Variants in UGT8 observed in about 807,000 individuals in gnomAD.
UGT8 encodes 2-hydroxyacylsphingosine 1-beta-galactosyltransferase.
Under a neutral mutation model 40.5 loss-of-function variants are expected in UGT8, and 12 were observed. The ratio of observed to expected loss-of-function variants is 0.30; its 90% CI spans 0.19 to 0.48. The LOEUF (loss-of-function observed/expected upper bound fraction) is 0.48. UGT8 is among the 20% of genes least tolerant of loss of function. UGT8 has a pLI of 0.99. For synonymous variants in UGT8, 224 were observed against 240.4 expected, an observed-to-expected ratio of 0.93 and a Z score of 0.63; for missense variants, 513 against 648.7, an observed-to-expected ratio of 0.79 and a Z score of 2.27.
chr4:114,623,741 G>A, intron 2 of UGT8, 39 bp downstream of exon 2: 2 of 1,542,126 alleles, frequency 1.3e-6, no homozygotes, highest in Non-Finnish European at 1.7e-6. Context: ...CTTTTTTAAT[G>A]TAAAAGTCAA....
At chr4:114,607,451 A>T (rs1204768767) in intron 1 of UGT8, among the ~76,000 whole-genome samples, 1 of 152,048 alleles carries the variant, frequency 6.6e-6, no homozygotes, top group Non-Finnish European at 1.5e-5. Context: ...GTAACTCCCC[A>T]TCTGATCTTT....
At chr4:114,652,167 A>G (rs954049519) in intron 2 of UGT8, among the ~76,000 whole-genome samples, 3 of 152,112 alleles carry the variant, frequency 2.0e-5, no homozygotes, top group African/African-American at 7.2e-5. Flanking sequence ...GATCTGTTGA[A>G]GTTAGCATTT....
At chr4:114,636,572 A>T (rs936272969) in intron 2 of UGT8, among the ~76,000 whole-genome samples, 2 of 152,200 alleles carry the variant, frequency 1.3e-5, no homozygotes, top group East Asian at 3.8e-4. Flanking sequence ...TAATTTCTTG[A>T]TATTATCCTT....
intron 2 of UGT8, among the ~76,000 whole-genome samples, chr4:114,646,534 A>G (rs1383825588): frequency 6.6e-6 from 1 of 152,194 alleles, no homozygotes; most frequent in Non-Finnish European, 1.5e-5. Flanking sequence ...TTCCAAAAGT[A>G]GCATTTCACT....
intron 1 of UGT8, among the ~76,000 whole-genome samples, chr4:114,617,516 T>G (rs184491426): frequency 6.6e-6 from 1 of 152,152 alleles, no homozygotes; most frequent in Admixed American, 6.5e-5. Flanking sequence ...TTGTGTAGAG[T>G]CTTCAAATAT....
chr4:114,663,599 A>G, intron 2 of UGT8: 1 of 722,494 alleles, frequency 1.4e-6, no homozygotes, highest in Non-Finnish European at 1.7e-6. Context: ...TAAATGATAC[A>G]TTAACAAATT....
At chr4:114,665,459 A>G (rs1472666925) in intron 3 of UGT8, 2 of 985,124 alleles carry the variant, frequency 2.0e-6, no homozygotes, top group Non-Finnish European at 2.4e-6. Flanking sequence ...ATAGATCTCT[A>G]TGTAAGCAAA....
chr4:114,672,240 C>G (rs1735335248), intron 5 of UGT8, among the ~76,000 whole-genome samples: 1 of 152,096 alleles, frequency 6.6e-6, no homozygotes, highest in Non-Finnish European at 1.5e-5. Flanking sequence ...ATTAGTTTAG[C>G]CATTGTGGAA....
In UGT8 at chr4:114,598,912, GT is replaced by G. The variant is rs1022174832; in HGVS notation, c.-64del. On this transcript the variant is annotated 5_prime_UTR_variant, in exon 1 of 6. Transcript: ENST00000310836. ...CAGCGCACAAACACAGGTCCCTTCT[GT>G]CCCGGATACAATTACGCGGCAGACA... The G allele has an allele frequency of 1.3e-5, 2 of 152,272 alleles. No individual in the cohort carries two copies. The highest frequency in any genetic ancestry group is 4.8e-5 in the African/African-American group (2 of 41,418). The allele number at this position is 152,272 out of a possible 1,614,324, so 9.4% of individuals were successfully genotyped here.
rs964177644 is a variant in UGT8, at chr4:114,634,518, T to C, written c.822+10816T>C. On this transcript the variant is annotated intron_variant, in intron 2 of 5. Coordinates refer to ENST00000310836, the MANE Select transcript of UGT8 (RefSeq NM_001128174.3). ...TAAAGGATAACTAGAAAAAGTGATA[T>C]CATAGGTCCATCCTTTATTGGTGTT... 2.6e-5 allele frequency among the ~76,000 whole-genome samples: 4 copies of C among 152,198 alleles called. No homozygotes were observed. In the East Asian group the frequency reaches 7.7e-4, roughly 29 times the overall value.
Position 114,622,933 on chromosome 4 carries a change from C to T in UGT8, c.53C>T (p.Ala18Val), listed in dbSNP as rs977238511. The T allele has an allele frequency of 2.2e-5, 36 of 1,613,780 alleles. No individual in the cohort carries two copies. The highest frequency in any genetic ancestry group is 4.0e-5 in the African/African-American group (3 of 74,860). ...CTCCTGTGGAGTGCTGTTGGGATAG[C>T]GAAGGCTGCCAAAATCATCATCGTG... ...FILLWSAVGI[A>V]KAAKIIIVPP... is the part of the protein sequence containing the mutation. Residue 18 changes from alanine (A) to valine (V), a missense_variant, in exon 2 of 6, where the codon GCG becomes GTG. Ala to Val is a moderately conservative substitution (Grantham distance 64, BLOSUM62 0). Transcript: ENST00000310836.
intron 1 of UGT8, among the ~76,000 whole-genome samples, chr4:114,618,762 T>G (rs72677935): frequency 6.6e-6 from 1 of 152,284 alleles, no homozygotes; most frequent in Non-Finnish European, 1.5e-5. Context: ...ATCTAAAAAC[T>G]TTTAACACTG....
intron 1 of UGT8, among the ~76,000 whole-genome samples, chr4:114,601,149 C>T (rs1020626310): frequency 2.7e-4 from 41 of 152,160 alleles, no homozygotes; most frequent in African/African-American, 8.7e-4. Flanking sequence ...AAGCTTGGTA[C>T]GCGTCTTAGA....
rs573209444 is a variant in UGT8 at position 114,610,627 on chromosome 4, T to A, written c.-3+11653T>A. ...GGATTAAGATAACTTCTGTTTTTTA[T>A]CTAATACTCAACCTATCTAATACAA... On this transcript the variant is annotated intron_variant, in intron 1 of 5. Coordinates refer to ENST00000310836, the MANE Select transcript of UGT8 (RefSeq NM_001128174.3). Among the ~76,000 whole-genome samples, 6 of 152,340 alleles carry A rather than the reference T, an allele frequency of 3.9e-5. No homozygotes were observed. In the South Asian group the frequency reaches 1.2e-3, roughly 32 times the overall value.
intron 2 of UGT8, among the ~76,000 whole-genome samples, chr4:114,634,873 A>G (rs149027493): frequency 1.2e-3 from 183 of 152,306 alleles, no homozygotes; most frequent in African/African-American, 4.3e-3. Flanking sequence ...TGAGCCTTAT[A>G]CATACATTAA....
chr4:114,627,351 C>T lies in UGT8; in HGVS notation c.822+3649C>T, dbSNP rs541689488. ...TCAGCTCACTACAACCTCTGCCTCC[C>T]AGGTTCAAGTGATTCTCCTGCCTCA... On this transcript the variant is annotated intron_variant, in intron 2 of 5. Coordinates refer to ENST00000310836, the MANE Select transcript of UGT8 (RefSeq NM_001128174.3). Among the ~76,000 whole-genome samples, 8 of 151,228 alleles carry T rather than the reference C, an allele frequency of 5.3e-5. No individual in the cohort carries two copies. In the South Asian group the frequency reaches 1.7e-3, roughly 32 times the overall value.
intron 2 of UGT8, among the ~76,000 whole-genome samples, chr4:114,626,503 C>G (rs1438604059): frequency 6.6e-6 from 1 of 152,142 alleles, no homozygotes; most frequent in African/African-American, 2.4e-5. Context: ...TTATAAAGGA[C>G]ATTTTAAATA....
intron 2 of UGT8, 84 bp from the exon 3 acceptor site, chr4:114,663,911 T>G (rs2126132366): frequency 6.7e-7 from 1 of 1,486,672 alleles, no homozygotes; most frequent in Middle Eastern, 1.9e-4. Context: ...ACTTAAAAGG[T>G]TTTTTTTTAA....
At chr4:114,607,090 G>A (rs908513545) in intron 1 of UGT8, among the ~76,000 whole-genome samples, 2 of 152,088 alleles carry the variant, frequency 1.3e-5, no homozygotes, top group Non-Finnish European at 2.9e-5. Context: ...ATTGTAGTTT[G>A]CAAATCTATT....
Sources: allele counts gnomAD v4.1 joint callset (sites outside exome capture counted in the v4.1 genomes callset), GRCh38; gene constraint gnomAD v4.1.1; transcripts MANE v1.5; gene names NCBI Gene and HGNC (gene_info 2026-07-23, HGNC 2026-07-21).